Variants in NPAS3 observed in about 807,000 individuals in gnomAD.
NPAS3 encodes the protein neuronal PAS domain-containing protein 3.
A neutral mutation model predicts 73.1 loss-of-function variants in NPAS3; 14 were observed. That is an observed-to-expected ratio of 0.19 (90% CI 0.13 to 0.30). The LOEUF (loss-of-function observed/expected upper bound fraction) is 0.30. Among genes scored for constraint, NPAS3 ranks in the 10% least tolerant of loss-of-function variants. The pLI, the probability that NPAS3 is intolerant of heterozygous loss-of-function variation, is 1.00. For synonymous variants in NPAS3, 620 were observed against 541.5 expected, an observed-to-expected ratio of 1.14 and a Z score of -2.01; for missense variants, 1,096 against 1,250.0, an observed-to-expected ratio of 0.88 and a Z score of 1.86.
chr14:33,170,284 A>G (rs2045341149), intron 2 of NPAS3, among the ~76,000 whole-genome samples: 1 of 152,204 alleles, frequency 6.6e-6, no homozygotes, highest in Non-Finnish European at 1.5e-5. Flanking sequence ...TATGTCTATA[A>G]AAAAGCGTAT....
chr14:33,579,998 G>T (rs1375087244), intron 5 of NPAS3, among the ~76,000 whole-genome samples: 1 of 151,992 alleles, frequency 6.6e-6, no homozygotes, highest in Non-Finnish European at 1.5e-5. Flanking sequence ...TTACATTTTT[G>T]TGTTTTATAG....
intron 3 of NPAS3, among the ~76,000 whole-genome samples, chr14:33,289,378 C>G (rs2042004972): frequency 6.6e-6 from 1 of 152,132 alleles, no homozygotes; most frequent in Non-Finnish European, 1.5e-5. Flanking sequence ...GTTATCTTCT[C>G]CAGCCCTGCC....
At chr14:33,273,933 C>T (rs759250545) in intron 3 of NPAS3, among the ~76,000 whole-genome samples, 1 of 152,126 alleles carries the variant, frequency 6.6e-6, no homozygotes, top group Non-Finnish European at 1.5e-5. Flanking sequence ...TTCTAGACCC[C>T]AATTTCCTAA....
At chr14:33,229,225 C>T (rs927638688) in intron 3 of NPAS3, among the ~76,000 whole-genome samples, 1 of 152,166 alleles carries the variant, frequency 6.6e-6, no homozygotes, top group African/African-American at 2.4e-5. Context: ...TACTTATAAA[C>T]AAGAGCTTAA....
chr14:33,801,231 C>T (rs1207623314), downstream of NPAS3: 5 of 1,469,252 alleles, frequency 3.4e-6, no homozygotes, highest in Non-Finnish European at 3.6e-6. Context: ...CTCGCCACGA[C>T]GGTCCCCATT....
At chr14:33,715,076 A>T (rs1445874957) in intron 6 of NPAS3, among the ~76,000 whole-genome samples, 1 of 152,214 alleles carries the variant, frequency 6.6e-6, no homozygotes, top group East Asian at 1.9e-4. Context: ...TTTGTTCAGC[A>T]GTGTCATTTG....
At chr14:33,022,664 CAAAA>C (rs34475386) in intron 1 of NPAS3, among the ~76,000 whole-genome samples, 6,003 of 97,664 alleles carry the variant, frequency 0.061, 191 homozygotes, top group African/African-American at 0.14. Flanking sequence ...GACTCCGTCC[CAAAA>C]AAAAAAAAAA....
chr14:33,052,039 G>A (rs890160580), intron 1 of NPAS3, among the ~76,000 whole-genome samples: 1 of 152,178 alleles, frequency 6.6e-6, no homozygotes, highest in Non-Finnish European at 1.5e-5. Context: ...GATTACAGGT[G>A]TGAGCCACCG....
intron 3 of NPAS3, among the ~76,000 whole-genome samples, chr14:33,272,608 G>A (rs938212473): frequency 6.6e-6 from 1 of 151,984 alleles, no homozygotes; most frequent in Admixed American, 6.6e-5. Flanking sequence ...ATAGAGATGG[G>A]GTTTCACCAT....
intron 2 of NPAS3, among the ~76,000 whole-genome samples, chr14:33,109,904 A>G (rs1276652189): frequency 1.4e-5 from 2 of 145,714 alleles, no homozygotes; most frequent in South Asian, 2.2e-4. Flanking sequence ...CTGGGCTTAA[A>G]CGATCCTCCC....
At chr14:32,993,412 A>G (rs2038419483) in intron 1 of NPAS3, among the ~76,000 whole-genome samples, 1 of 152,196 alleles carries the variant, frequency 6.6e-6, no homozygotes, top group Admixed American at 6.5e-5. Flanking sequence ...GAGGTGAGAC[A>G]TTCGAGAGGG....
intron 2 of NPAS3, among the ~76,000 whole-genome samples, chr14:33,058,691 T>A (rs539880693): frequency 6.6e-6 from 1 of 152,352 alleles, no homozygotes; most frequent in East Asian, 1.9e-4. Flanking sequence ...GAATGTGTCT[T>A]ATTTTGTGAG....
At chr14:33,359,583 A>T (rs954881028) in intron 3 of NPAS3, among the ~76,000 whole-genome samples, 1 of 152,226 alleles carries the variant, frequency 6.6e-6, no homozygotes, top group Admixed American at 6.5e-5. Context: ...CTTTTAAGAC[A>T]GTTTGCAAAA....
At position 33,525,797 on chromosome 14, in the gene NPAS3, T is replaced by C. The variant is rs769650662; in HGVS notation, c.469-34324T>C. On this transcript the variant is annotated intron_variant, in intron 4 of 11. Coordinates refer to ENST00000356141, the Ensembl canonical transcript of NPAS3. Reference sequence around the variant, plus strand: ...ACTAACACATAAACATGCCTAAGTTTGGAATGTGACATGGGAGGTAGGGTC... The same window carrying C: ...ACTAACACATAAACATGCCTAAGTTCGGAATGTGACATGGGAGGTAGGGTC... 3.9e-5 allele frequency among the ~76,000 whole-genome samples: 6 copies of C among 152,136 alleles called. 1 individual carries two copies. Among genetic ancestry groups the C allele is most frequent in the Admixed American group, 3.3e-4 (5 of 15,262 alleles).
At chr14:33,057,283 A>G (rs2040924375) in intron 2 of NPAS3, among the ~76,000 whole-genome samples, 1 of 152,104 alleles carries the variant, frequency 6.6e-6, no homozygotes, top group African/African-American at 2.4e-5. Flanking sequence ...TGGTATAATT[A>G]TAATGCAGAA....
At chr14:33,506,761 T>C (rs1312040114) in intron 4 of NPAS3, among the ~76,000 whole-genome samples, 1 of 152,042 alleles carries the variant, frequency 6.6e-6, no homozygotes, top group Admixed American at 6.6e-5. Flanking sequence ...CACAAGGGAA[T>C]AAAAATTCAG....
At chr14:33,640,663 G>A (rs2058652120) in intron 5 of NPAS3, among the ~76,000 whole-genome samples, 1 of 152,152 alleles carries the variant, frequency 6.6e-6, no homozygotes, top group Non-Finnish European at 1.5e-5. Context: ...AATTGCAGCG[G>A]TCTACCAAGT....
intron 7 of NPAS3, among the ~76,000 whole-genome samples, chr14:33,768,958 T>C (rs1000585553): frequency 2.0e-5 from 3 of 152,170 alleles, no homozygotes; most frequent in African/African-American, 7.2e-5. Context: ...TTGGTGGTGG[T>C]ATGGCAAGCC....
chr14:33,752,850 C>T lies in NPAS3; in HGVS notation c.852+17518C>T, dbSNP rs117581896. The stretch of plus-strand genomic sequence containing the variant: ...TCTGATATTTTTTTTCAATGTTTCG[C>T]GCTCAAGTTCAACTCTCTGTGTATC... On this transcript the variant is annotated intron_variant, in intron 7 of 11. Transcript: ENST00000356141. Among the ~76,000 whole-genome samples the T allele has an allele frequency of 4.6e-4, 70 of 152,092 alleles. 1 individual carries two copies. The East Asian group carries it at 0.012, about 26-fold the overall frequency.
Sources: allele counts gnomAD v4.1 joint callset (sites outside exome capture counted in the v4.1 genomes callset), GRCh38; gene constraint gnomAD v4.1.1; transcripts MANE v1.5; gene names NCBI Gene and HGNC (gene_info 2026-07-23, HGNC 2026-07-21).